The following CLINT1 variants were observed in gnomAD, a reference collection of about 807,000 sequenced individuals.
CLINT1 encodes clathrin interacting protein localized in the trans-Golgi region.
In CLINT1, 15 loss-of-function variants were observed where a neutral mutation model predicts 70.4. The ratio of observed to expected loss-of-function variants is 0.21; its 90% CI spans 0.14 to 0.33. The LOEUF (loss-of-function observed/expected upper bound fraction) is 0.33. Among genes scored for constraint, CLINT1 ranks in the 10% least tolerant of loss-of-function variants. The pLI is 1.00. For missense variants in CLINT1, 615 were observed against 778.1 expected (o/e 0.79, Z 2.49); for synonymous variants, 227 against 254.7 (o/e 0.89, Z 1.04).
chr5:157,818,235 A>G (rs1313227264), intron 1 of CLINT1, among the ~76,000 whole-genome samples: 1 of 152,188 alleles, frequency 6.6e-6, no homozygotes, highest in African/African-American at 2.4e-5. Flanking sequence ...GGAGTCAGAA[A>G]GATCTGATTC....
At chr5:157,855,354 A>G (rs1249741752) in intron 1 of CLINT1, among the ~76,000 whole-genome samples, 1 of 152,190 alleles carries the variant, frequency 6.6e-6, no homozygotes, top group African/African-American at 2.4e-5. Flanking sequence ...GTATAGGATG[A>G]CAAAATATAA....
intron 11 of CLINT1, among the ~76,000 whole-genome samples, 166 bp downstream of exon 11, chr5:157,789,197 G>C (rs1333985069): frequency 6.6e-6 from 1 of 152,102 alleles, no homozygotes; most frequent in Non-Finnish European, 1.5e-5. Context: ...AATGTGCCAG[G>C]AGGAATACCC....
At chr5:157,818,787 TG>T (rs1458915475) in intron 1 of CLINT1, among the ~76,000 whole-genome samples, 3 of 152,236 alleles carry the variant, frequency 2.0e-5, no homozygotes, top group Admixed American at 2.0e-4. Flanking sequence ...TTGGTTAAAA[TG>T]GAATTTCTCA....
At chr5:157,789,536 T>G in intron 10 of CLINT1, 23 bp from the exon 11 acceptor site, 1 of 1,613,972 alleles carries the variant, frequency 6.2e-7, no homozygotes, top group Non-Finnish European at 8.5e-7. Context: ...AGGATTAGGC[T>G]TCTGCAGCAC....
rs1438109963 is a variant in CLINT1, at chr5:157,812,557, G to A, written c.517+506C>T. 5.3e-5 allele frequency among the ~76,000 whole-genome samples: 8 copies of A among 152,274 alleles called. 1 individual carries two copies. In the East Asian group the frequency reaches 1.3e-3, roughly 26 times the overall value. On this transcript the variant is annotated intron_variant, in intron 5 of 11. Transcript: ENST00000411809. ...GCCTAGATGAAAAACTGCGAGTATC[G>A]TCAGTCATCTTTTATATGTCAAAGT...
rs1382278980 is a variant in CLINT1, at chr5:157,816,796, T to A, written c.181A>T (p.Met61Leu). Reference protein sequence around the residue: ...TFMYEQFPELMNMLWSRMLKD... With the variant: ...TFMYEQFPELLNMLWSRMLKD... ...AACATTCGTGACCAAAGCATGTTCA[T>A]AAGTTCTGGAAATTGTTCATACATA... Residue 61 changes from methionine to leucine, a missense_variant, in exon 3 of 12, where the codon ATG (methionine) becomes TTG (leucine). By Grantham distance (15) the Met-to-Leu change is conservative. This residue lies in a region of CLINT1 where 241 missense variants were observed against 368.6 expected (regional missense o/e 0.65). Coordinates refer to ENST00000411809, the MANE Select transcript of CLINT1 (RefSeq NM_014666.4). The A allele has an allele frequency of 1.2e-6, 2 of 1,611,184 alleles. No individual in the cohort carries two copies. Among genetic ancestry groups the A allele is most frequent in the South Asian group, 2.2e-5 (2 of 90,644 alleles).
At chr5:157,814,379 T>A in intron 3 of CLINT1, 86 bp from the exon 4 acceptor site, 2 of 914,878 alleles carry the variant, frequency 2.2e-6, no homozygotes, top group East Asian at 2.7e-5. Context: ...AATTCTAACA[T>A]TAGCAAATAA....
chr5:157,823,118 A>G (rs1762927417), intron 1 of CLINT1, among the ~76,000 whole-genome samples: 1 of 152,130 alleles, frequency 6.6e-6, no homozygotes, highest in South Asian at 2.1e-4. Context: ...AGATCAGGCA[A>G]TCTTTTATTT....
At chr5:157,796,961 A>G (rs1475821522) in intron 8 of CLINT1, among the ~76,000 whole-genome samples, 3 of 152,014 alleles carry the variant, frequency 2.0e-5, no homozygotes, top group African/African-American at 7.3e-5. Context: ...CTTCAATTCT[A>G]TCTACACTAC....
intron 1 of CLINT1, among the ~76,000 whole-genome samples, chr5:157,836,460 T>C (rs1763426989): frequency 6.6e-6 from 1 of 152,220 alleles, no homozygotes; most frequent in South Asian, 2.1e-4. Context: ...CTTCTACTCT[T>C]GTTCTCCCTT....
At chr5:157,817,132 T>C (rs562295176) in intron 2 of CLINT1, among the ~76,000 whole-genome samples, 281 of 152,256 alleles carry the variant, frequency 1.8e-3, no homozygotes, top group African/African-American at 6.6e-3. Flanking sequence ...CAGAAAAATT[T>C]TTTTGTAACT....
Position 157,816,716 on chromosome 5 carries a change from G to T in CLINT1, c.243+18C>A. ...GTTTTCAACATGTCAAGTAATTAAA[G>T]CAGACTTGTGTCCATACCTTATAAA... On this transcript the variant is annotated intron_variant, in intron 3 of 11. Coordinates refer to ENST00000411809, the MANE Select transcript of CLINT1 (RefSeq NM_014666.4). The T allele has an allele frequency of 6.4e-7, 1 of 1,555,570 alleles. No individual in the cohort carries two copies. The highest frequency in any genetic ancestry group is 8.8e-7 in the Non-Finnish European group (1 of 1,132,062).
intron 1 of CLINT1, among the ~76,000 whole-genome samples, chr5:157,831,239 G>A (rs1763234724): frequency 1.3e-5 from 2 of 148,656 alleles, no homozygotes; most frequent in Admixed American, 1.4e-4. Flanking sequence ...CCAGGCTGGA[G>A]TGCAGTGGCA....
At chr5:157,857,114 A>G (rs1214417706) in intron 1 of CLINT1, among the ~76,000 whole-genome samples, 1 of 151,532 alleles carries the variant, frequency 6.6e-6, no homozygotes, top group Non-Finnish European at 1.5e-5. Context: ...AGGCACGGTG[A>G]TGCATGCCTG....
intron 1 of CLINT1, among the ~76,000 whole-genome samples, chr5:157,824,628 T>C (rs1018099945): frequency 1.3e-5 from 2 of 152,242 alleles, no homozygotes; most frequent in African/African-American, 4.8e-5. Flanking sequence ...ATAGCCATGC[T>C]GTTAAAGCAA....
At chr5:157,804,568 T>A (rs1762331508) in intron 7 of CLINT1, among the ~76,000 whole-genome samples, 1 of 152,168 alleles carries the variant, frequency 6.6e-6, no homozygotes, top group Non-Finnish European at 1.5e-5. Flanking sequence ...GGTAACTTTC[T>A]AAGAACTTCA....
intron 1 of CLINT1, among the ~76,000 whole-genome samples, chr5:157,846,818 C>T (rs965221410): frequency 1.3e-5 from 2 of 152,160 alleles, no homozygotes; most frequent in African/African-American, 4.8e-5. Context: ...AAGAATTATG[C>T]TAAATCTACT....
intron 5 of CLINT1, among the ~76,000 whole-genome samples, chr5:157,811,056 G>C (rs573829674): frequency 1.4e-4 from 22 of 152,210 alleles, no homozygotes; most frequent in African/African-American, 4.8e-4. Flanking sequence ...TTTAAAAAAA[G>C]TGATTTTCCA....
intron 1 of CLINT1, among the ~76,000 whole-genome samples, chr5:157,844,006 A>C (rs1282693813): frequency 6.6e-6 from 1 of 152,162 alleles, no homozygotes; most frequent in African/African-American, 2.4e-5. Context: ...AAAATGAAAA[A>C]TCCTATATCT....
Sources: allele counts gnomAD v4.1 joint callset (sites outside exome capture counted in the v4.1 genomes callset), GRCh38; gene constraint gnomAD v4.1.1; regional missense constraint gnomAD v4.1.1; transcripts MANE v1.5; gene names NCBI Gene and HGNC (gene_info 2026-07-23, HGNC 2026-07-21).